ZBTB40: variants seen among roughly 807,000 people sequenced by gnomAD.
The protein encoded by ZBTB40 is zinc finger and BTB domain-containing protein 40.
Under a neutral mutation model 117.5 loss-of-function variants are expected in ZBTB40, and 60 were observed. The observed-to-expected ratio is 0.51, with a 90% confidence interval of 0.41 to 0.63. The LOEUF is 0.63. ZBTB40 is among the 30% of genes least tolerant of loss of function. The pLI is 0.00. For missense variants in ZBTB40, 1,287 were observed against 1,498.5 expected (o/e 0.86, Z 2.33); for synonymous variants, 525 against 577.1 (o/e 0.91, Z 1.29).
intron 1 of ZBTB40, among the ~76,000 whole-genome samples, chr1:22,455,070 A>C (rs530215976): frequency 2.2e-4 from 34 of 152,246 alleles, no homozygotes; most frequent in Middle Eastern, 6.8e-3. Context: ...ATGGCATCTA[A>C]TTTTTTTAAA....
intron 1 of ZBTB40, among the ~76,000 whole-genome samples, chr1:22,433,456 A>AAAAAAAAAAAAAAAAAAAAAAC (rs1287606502): frequency 7.2e-6 from 1 of 139,700 alleles, no homozygotes; most frequent in Non-Finnish European, 1.6e-5. Context: ...AAAAAAAAAA[A>AAAAAAAAAAAAAAAAAAAAAAC]AGACAGCTAA....
At chr1:22,517,252 G>A (rs1320541030) in intron 12 of ZBTB40, 48 bp from the exon 13 acceptor site, 1 of 1,610,528 alleles carries the variant, frequency 6.2e-7, no homozygotes, top group Admixed American at 1.7e-5. Context: ...TTGTAGCAAT[G>A]CCATAAATTT....
intron 7 of ZBTB40, among the ~76,000 whole-genome samples, 176 bp downstream of exon 7, chr1:22,508,313 A>G (rs143870250): frequency 2.6e-5 from 4 of 152,362 alleles, no homozygotes; most frequent in Admixed American, 2.6e-4. Context: ...TAACAAATAG[A>G]ATAGTTCTAA....
In ZBTB40 at chr1:22,524,057, C is replaced by A. The variant is rs112160520; in HGVS notation, c.3299-161C>A. On this transcript the variant is annotated intron_variant, in intron 16 of 17. Transcript: ENST00000375647. ...TCATTTTGTATTATTTTTCTTAAGG[C>A]CCCCCAGATTGAATAACGTTCGTGT... Among the ~76,000 whole-genome samples, 926 of 152,148 alleles carry A rather than the reference C, an allele frequency of 6.1e-3. 12 individuals carry two copies. The highest frequency in any genetic ancestry group is 0.021 in the African/African-American group (876 of 41,502).
chr1:22,476,466 C>T (rs996489563), intron 1 of ZBTB40, among the ~76,000 whole-genome samples: 4 of 152,216 alleles, frequency 2.6e-5, no homozygotes, highest in East Asian at 1.9e-4. Flanking sequence ...GTGATCCGCC[C>T]ACCACAGCCT....
intron 1 of ZBTB40, among the ~76,000 whole-genome samples, chr1:22,483,855 G>T (rs2124421702): frequency 1.3e-5 from 2 of 152,274 alleles, no homozygotes; most frequent in East Asian, 3.9e-4. Flanking sequence ...TTTCTCCTAT[G>T]TTAACTTCTA....
chr1:22,455,179 C>G (rs1190207863), intron 1 of ZBTB40, among the ~76,000 whole-genome samples: 3 of 152,164 alleles, frequency 2.0e-5, no homozygotes, highest in African/African-American at 7.2e-5. Context: ...TATGTATTCT[C>G]TTAAGGCATT....
At position 22,508,683 on chromosome 1, in the gene ZBTB40, A is replaced by G. The variant is rs372819290; in HGVS notation, c.1651A>G (p.Met551Val). 4.3e-6 allele frequency: 7 copies of G among 1,614,068 alleles called. No individual in the cohort carries two copies. The highest frequency in any genetic ancestry group is 1.1e-5 in the South Asian group (1 of 91,080). Reference sequence around the variant, plus strand: ...AAAGACCTGTCCATTGGACCTGCTCATGGAGGAAATACGAAGGGAGCCTGG... The same window carrying G: ...AAAGACCTGTCCATTGGACCTGCTCGTGGAGGAAATACGAAGGGAGCCTGG... ...ETKTCPLDLL[M>V]EEIRREPGAD... Residue 551 changes from methionine (M) to valine (V), a missense_variant, in exon 8 of 18, where the codon ATG (methionine) becomes GTG (valine). Around this residue, in one of 2 missense-constraint regions of ZBTB40, gnomAD observed 870 missense variants for 934.4 expected, o/e 0.93. Transcript: ENST00000375647.
chr1:22,514,150 G>A (rs2124462551), intron 12 of ZBTB40, among the ~76,000 whole-genome samples: 1 of 152,348 alleles, frequency 6.6e-6, no homozygotes. Flanking sequence ...CTCTAGTCCA[G>A]TTGGAGGGGA....
intron 1 of ZBTB40, among the ~76,000 whole-genome samples, chr1:22,431,359 AT>A (rs1308928380): frequency 1.1e-5 from 1 of 93,652 alleles, no homozygotes; most frequent in Non-Finnish European, 1.9e-5. Context: ...ATACATATAT[AT>A]TTTGTGTGTG....
At chr1:22,439,773 C>T (rs760621359) in intron 1 of ZBTB40, among the ~76,000 whole-genome samples, 72 of 152,168 alleles carry the variant, frequency 4.7e-4, no homozygotes, top group Non-Finnish European at 9.9e-4. Context: ...AAGCATGAGT[C>T]CTCCAGCATT....
At chr1:22,478,184 A>G (rs767374954) in intron 1 of ZBTB40, among the ~76,000 whole-genome samples, 17 of 152,098 alleles carry the variant, frequency 1.1e-4, no homozygotes, top group Admixed American at 2.6e-4. Flanking sequence ...TGAACCCCAC[A>G]CTGCCACATA....
At chr1:22,521,382 A>T in intron 14 of ZBTB40, 114 bp from the exon 15 acceptor site, 1 of 1,333,414 alleles carries the variant, frequency 7.5e-7, no homozygotes, top group Non-Finnish European at 1.1e-6. Flanking sequence ...AGAGTGTGTG[A>T]TACTAGAAAC....
Position 22,499,686 on chromosome 1 carries a change from C to T in ZBTB40, c.832-1806C>T, listed in dbSNP as rs144309305. On this transcript the variant is annotated intron_variant, in intron 3 of 17. Transcript: ENST00000375647. ...TGTACTTTTGGAGATGACTGAAAAA[C>T]ACAGGAAACTTTTAAAGTTTAATTT... Among the ~76,000 whole-genome samples the T allele has an allele frequency of 2.8e-3, 428 of 152,240 alleles. 1 individual carries two copies. Among genetic ancestry groups the T allele is most frequent in the African/African-American group, 9.8e-3 (408 of 41,542 alleles).
rs563503016 is a variant in ZBTB40, at chr1:22,488,377, G to A, written c.-69-1503G>A. 1.0e-3 allele frequency among the ~76,000 whole-genome samples: 158 copies of A among 152,304 alleles called. 1 individual carries two copies. The highest frequency in any genetic ancestry group is 3.6e-3 in the African/African-American group (150 of 41,566). On this transcript the variant is annotated intron_variant, in intron 1 of 17. Coordinates refer to ENST00000375647, the MANE Select transcript of ZBTB40 (RefSeq NM_014870.4). ...ATGCTGAAAAACAAAGCAGACGAAGGAGCGGGATGTTCTGAGGTTGGAGGG... is the reference window on the plus strand; with the variant it reads ...ATGCTGAAAAACAAAGCAGACGAAGAAGCGGGATGTTCTGAGGTTGGAGGG...
At chr1:22,487,770 G>GA in intron 1 of ZBTB40, among the ~76,000 whole-genome samples, 1 of 152,168 alleles carries the variant, frequency 6.6e-6, no homozygotes, top group South Asian at 2.1e-4. Flanking sequence ...CTGACCACAT[G>GA]ACTTTGCTGC....
At chr1:22,440,772 G>T (rs554158890) in intron 1 of ZBTB40, among the ~76,000 whole-genome samples, 1 of 152,060 alleles carries the variant, frequency 6.6e-6, no homozygotes, top group Admixed American at 6.5e-5. Context: ...TGTTAATGTG[G>T]TATATTACAT....
Position 22,511,870 on chromosome 1 carries a change from A to C in ZBTB40, c.2197A>C (p.Lys733Gln). ...GGCTTCAGCCTCCCCAGACCCTGCC[A>C]AGAAGAGCTTCATCTGTAAGGCCTG... ...KEASASPDPAKKSFICKACDK... is the reference protein window; with the variant it reads ...KEASASPDPAQKSFICKACDK... The change falls in exon 11 of 18, where the codon AAG becomes CAG. Residue 733 changes from lysine to glutamine, a missense_variant. Physicochemically the swap from Lys to Gln is moderately conservative, Grantham distance 53. Transcript: ENST00000375647. 1 of 1,614,210 alleles carries C rather than the reference A, an allele frequency of 6.2e-7. No individual in the cohort carries two copies. Among genetic ancestry groups the C allele is most frequent in the Admixed American group, 1.7e-5 (1 of 60,030 alleles).
At chr1:22,521,679 G>A in intron 15 of ZBTB40, 21 bp downstream of exon 15, 1 of 1,614,226 alleles carries the variant, frequency 6.2e-7, no homozygotes, top group African/African-American at 1.3e-5. Flanking sequence ...GGTACCGCCG[G>A]CAGAGAGCGG....
Sources: gnomAD v4.1 joint callset for allele counts (sites outside exome capture counted in the v4.1 genomes callset) on GRCh38, gnomAD v4.1.1 for gene constraint, gnomAD v4.1.1 regional missense constraint, MANE v1.5 for transcripts, NCBI Gene and HGNC (gene_info 2026-07-23, HGNC 2026-07-21) for gene names.